Variants in MTMR8 observed in about 807,000 individuals in gnomAD.
MTMR8 encodes myotubularin related protein 8, also known as phosphatidylinositol-3,5-bisphosphate 3-phosphatase MTMR8.
In MTMR8, 65 loss-of-function variants were observed where a neutral mutation model predicts 39.3. That is an observed-to-expected ratio of 1.65 (90% CI 1.35 to 2.03). The LOEUF (loss-of-function observed/expected upper bound fraction) is 2.03. Among genes scored for constraint, MTMR8 ranks in the 30% most tolerant of loss-of-function variants. The pLI, the probability that MTMR8 is intolerant of heterozygous loss-of-function variation, is 0.00. For missense variants in MTMR8, 777 were observed against 538.9 expected, an observed-to-expected ratio of 1.44 and a Z score of -4.37; for synonymous variants, 245 against 185.2, an observed-to-expected ratio of 1.32 and a Z score of -2.62.
intron 12 of MTMR8, among the ~76,000 whole-genome samples, chrX:64,273,581 A>C (rs1345440973): frequency 2.7e-5 from 3 of 111,711 alleles, no homozygotes; most frequent in Non-Finnish European, 5.7e-5. Context: ...AAATGAACAA[A>C]ATGGCAACAG....
intron 1 of MTMR8, 56 bp downstream of exon 1, chrX:64,395,284 G>C: frequency 8.5e-7 from 1 of 1,170,225 alleles, no homozygotes; most frequent in Non-Finnish European, 1.2e-6. Context: ...TGGGCTCCCA[G>C]GTGAGCACCA....
intron 1 of MTMR8, among the ~76,000 whole-genome samples, chrX:64,394,460 A>C (rs1394181691): frequency 8.9e-6 from 1 of 111,998 alleles, no homozygotes; most frequent in African/African-American, 3.2e-5. Flanking sequence ...CATTAAAAAC[A>C]CGCTGGATTT....
At chrX:64,296,922 A>G (rs1353249042) in intron 12 of MTMR8, among the ~76,000 whole-genome samples, 4 of 103,276 alleles carry the variant, frequency 3.9e-5, no homozygotes, top group Non-Finnish European at 7.9e-5. Context: ...ATCATTTTTT[A>G]TGGCTGCATA....
intron 10 of MTMR8, 113 bp downstream of exon 10, chrX:64,335,966 A>T: frequency 2.0e-6 from 1 of 507,405 alleles, no homozygotes; most frequent in Non-Finnish European, 3.2e-6. Context: ...AAAGAGATTT[A>T]TGCCATGTTC....
At chrX:64,362,829 C>T (rs1231374731) in intron 1 of MTMR8, among the ~76,000 whole-genome samples, 2 of 100,803 alleles carry the variant, frequency 2.0e-5, no homozygotes, top group East Asian at 5.7e-4. Context: ...ATATGTGCCA[C>T]TCCTAAAACT....
chrX:64,350,091 TATATATAA>T (rs752391602), intron 4 of MTMR8, 21 bp from the exon 5 acceptor site: 20 of 863,505 alleles, frequency 2.3e-5, no homozygotes, highest in Non-Finnish European at 3.0e-5. Flanking sequence ...ATAAGCACAA[TATATATAA>T]ATATATATTT....
intron 10 of MTMR8, among the ~76,000 whole-genome samples, chrX:64,333,139 C>T (rs1922985724): frequency 8.9e-6 from 1 of 111,959 alleles, no homozygotes. Context: ...ATTAATAATG[C>T]TCAAGAAAAT....
intron 1 of MTMR8, among the ~76,000 whole-genome samples, chrX:64,364,289 T>C (rs1258602777): frequency 2.7e-5 from 3 of 112,372 alleles, no homozygotes; most frequent in Non-Finnish European, 5.6e-5. Flanking sequence ...CATCTTCAAG[T>C]GGGTTCCTGA....
At chrX:64,383,797 C>T (rs145218686) in intron 1 of MTMR8, among the ~76,000 whole-genome samples, 4 of 111,190 alleles carry the variant, frequency 3.6e-5, no homozygotes, top group South Asian at 3.8e-4. Flanking sequence ...TATAATTCAA[C>T]ATGAGGTTTG....
At chrX:64,382,215 T>C (rs1028749735) in intron 1 of MTMR8, among the ~76,000 whole-genome samples, 3 of 112,047 alleles carry the variant, frequency 2.7e-5, no homozygotes, top group Non-Finnish European at 5.6e-5. Context: ...TTTCACGATA[T>C]TGATTCCTCC....
intron 12 of MTMR8, among the ~76,000 whole-genome samples, chrX:64,317,376 C>T (rs914447446): frequency 9.0e-6 from 1 of 111,307 alleles, no homozygotes; most frequent in African/African-American, 3.3e-5. Flanking sequence ...CCCTGTGACT[C>T]TGTTTATTTA....
chrX:64,326,571 A>G (rs984284644), intron 12 of MTMR8, among the ~76,000 whole-genome samples: 2 of 111,437 alleles, frequency 1.8e-5, no homozygotes, highest in African/African-American at 6.5e-5. Context: ...AGGATAGCCC[A>G]TCTTCATGGA....
rs1257799838 is a variant in MTMR8, at chrX:64,324,720, T to A, written c.1481+4052A>T. Among the ~76,000 whole-genome samples, 3 of 101,321 alleles carry A rather than the reference T, an allele frequency of 3.0e-5. No individual in the cohort carries two copies. In the Admixed American group the frequency reaches 3.4e-4, roughly 11 times the overall value. The allele number at this position is 101,321 out of a possible 115,157, so 88.0% of individuals were successfully genotyped here. A position where few individuals can be genotyped will look rare whatever the true frequency, so the allele number is the denominator to read the frequency against. On this transcript the variant is annotated intron_variant, in intron 12 of 13. Coordinates refer to ENST00000374852, the MANE Select transcript of MTMR8 (RefSeq NM_017677.4). The stretch of plus-strand genomic sequence containing the variant: ...AAGGAAAGAAAAGAAACCCAAATCT[T>A]ATAAAATGGCCCTACCCCTATCTCC...
At chrX:64,358,143 T>G (rs1271824116) in intron 2 of MTMR8, among the ~76,000 whole-genome samples, 3 of 111,919 alleles carry the variant, frequency 2.7e-5, no homozygotes, top group East Asian at 2.8e-4. Context: ...GTTCCTAAAC[T>G]GTTAGAATTA....
chrX:64,286,827 C>A (rs770819916), intron 12 of MTMR8, among the ~76,000 whole-genome samples: 1 of 111,320 alleles, frequency 9.0e-6, no homozygotes, highest in South Asian at 3.8e-4. Context: ...ATAATAAGAG[C>A]TATTTATGAC....
At chrX:64,282,513 G>GA (rs1326807891) in intron 12 of MTMR8, among the ~76,000 whole-genome samples, 2 of 110,537 alleles carry the variant, frequency 1.8e-5, no homozygotes, top group African/African-American at 3.3e-5. Context: ...AATAAAATTA[G>GA]AAAAAAATAG....
intron 12 of MTMR8, among the ~76,000 whole-genome samples, chrX:64,317,205 T>G (rs1222546475): frequency 9.0e-6 from 1 of 111,704 alleles, no homozygotes; most frequent in East Asian, 2.8e-4. Context: ...CTGTTTGATG[T>G]TCACTCAGCT....
chrX:64,294,756 G>A (rs1476037936), intron 12 of MTMR8, among the ~76,000 whole-genome samples: 1 of 111,541 alleles, frequency 9.0e-6, no homozygotes, highest in East Asian at 2.8e-4. Flanking sequence ...AGAAAACAAT[G>A]TCTCTGGGGT....
chrX:64,395,251 T>G, intron 1 of MTMR8, 89 bp downstream of exon 1: 2 of 991,290 alleles, frequency 2.0e-6, no homozygotes, highest in Admixed American at 2.2e-5. Context: ...CAAAGAAGGC[T>G]GAGAAGGCTG....
Sources: allele counts gnomAD v4.1 joint callset (sites outside exome capture counted in the v4.1 genomes callset), GRCh38; gene constraint gnomAD v4.1.1; transcripts MANE v1.5; gene names NCBI Gene and HGNC (gene_info 2026-07-23, HGNC 2026-07-21).